The following CSGALNACT1 variants were observed in gnomAD, a reference collection of about 807,000 sequenced individuals.
CSGALNACT1 encodes chondroitin sulfate N-acetylgalactosaminyltransferase 1.
CSGALNACT1 carries 52 observed loss-of-function variants against 51.0 expected under a neutral mutation model. That is an observed-to-expected ratio of 1.02 (90% CI 0.82 to 1.29). CSGALNACT1 has a LOEUF of 1.29. CSGALNACT1 is among the 50% of genes most tolerant of loss of function. The pLI, the probability that CSGALNACT1 is intolerant of heterozygous loss-of-function variation, is 0.00. For missense variants in CSGALNACT1, 935 were observed against 679.2 expected (o/e 1.38, Z -4.19); for synonymous variants, 341 against 254.4 (o/e 1.34, Z -3.24).
At chr8:19,637,839 G>GT (rs11461273) in intron 1 of CSGALNACT1, among the ~76,000 whole-genome samples, 107,665 of 143,888 alleles carry the variant, frequency 0.75, 40,767 homozygotes, top group Middle Eastern at 0.83. Flanking sequence ...AGCCTGACCA[G>GT]TTTTTTTTTT....
intron 3 of CSGALNACT1, among the ~76,000 whole-genome samples, chr8:19,516,929 G>T (rs563858608): frequency 6.6e-6 from 1 of 152,182 alleles, no homozygotes; most frequent in Admixed American, 6.5e-5. Flanking sequence ...GCTGGAATCT[G>T]CAGCCACATT....
At chr8:19,740,166 C>A (rs189253014) in intron 1 of CSGALNACT1, among the ~76,000 whole-genome samples, 19 of 152,334 alleles carry the variant, frequency 1.2e-4, no homozygotes, top group Non-Finnish European at 2.5e-4. Flanking sequence ...ATTGTTCCAG[C>A]CTGGCTCTCC....
In CSGALNACT1 at chr8:19,420,533, C is replaced by G. The variant is rs778471541; in HGVS notation, c.954-15G>C. The G allele has an allele frequency of 1.2e-6, 2 of 1,612,860 alleles. No individual in the cohort carries two copies. The highest frequency in any genetic ancestry group is 1.1e-5 in the South Asian group (1 of 91,030). ...AGTTGGCAGCTCTGAAAGGCAAGAC[C>G]AGGTACTGTCACTCACATTCCCACA... is the stretch of plus-strand genomic sequence containing the variant. On this transcript the variant is annotated splice_polypyrimidine_tract_variant and intron_variant, in intron 6 of 9. Transcript: ENST00000454498.
chr8:19,668,338 G>A (rs961829520), intron 1 of CSGALNACT1, among the ~76,000 whole-genome samples: 4 of 112,492 alleles, frequency 3.6e-5, no homozygotes, highest in Non-Finnish European at 5.7e-5. Flanking sequence ...ATACATGCAC[G>A]GTTACACACA....
intron 3 of CSGALNACT1, among the ~76,000 whole-genome samples, chr8:19,538,890 G>A (rs1165360968): frequency 2.0e-5 from 3 of 152,172 alleles, no homozygotes; most frequent in Admixed American, 1.3e-4. Context: ...GAGCTAGTGT[G>A]TGTCCATTTG....
At chr8:19,505,851 C>T (rs765985504) in exon 4 of CSGALNACT1, 8 of 1,606,346 alleles carry the variant, frequency 5.0e-6, no homozygotes, top group Middle Eastern at 1.6e-4. Context: ...ATCAGCCATG[C>T]GTCCAGAACC....
At chr8:19,408,514 C>G in intron 9 of CSGALNACT1, 99 bp downstream of exon 8, 1 of 574,138 alleles carries the variant, frequency 1.7e-6, no homozygotes, top group South Asian at 1.6e-5. Flanking sequence ...AATGGTACCA[C>G]CTTCCCAACC....
At chr8:19,654,730 A>G (rs1277762115) in intron 1 of CSGALNACT1, among the ~76,000 whole-genome samples, 2 of 152,028 alleles carry the variant, frequency 1.3e-5, no homozygotes, top group African/African-American at 2.4e-5. Flanking sequence ...TTTTTGGTAG[A>G]GACAGGGTTT....
At chr8:19,737,200 A>C (rs1401781318) in intron 1 of CSGALNACT1, among the ~76,000 whole-genome samples, 1 of 152,160 alleles carries the variant, frequency 6.6e-6, no homozygotes, top group Non-Finnish European at 1.5e-5. Flanking sequence ...TAAAACTAGG[A>C]GAGTTTACTT....
intron 3 of CSGALNACT1, among the ~76,000 whole-genome samples, chr8:19,523,590 C>T (rs1034763182): frequency 2.0e-5 from 3 of 152,164 alleles, no homozygotes; most frequent in South Asian, 2.1e-4. Flanking sequence ...TATTCACACC[C>T]AGGCTACATT....
intron 1 of CSGALNACT1, among the ~76,000 whole-genome samples, chr8:19,675,096 A>T (rs1035135756): frequency 1.3e-5 from 2 of 152,218 alleles, no homozygotes; most frequent in Non-Finnish European, 2.9e-5. Context: ...TCCAGGCAAC[A>T]CAGGTAAATC....
intron 3 of CSGALNACT1, among the ~76,000 whole-genome samples, chr8:19,524,306 T>A (rs2081264164): frequency 6.6e-6 from 1 of 152,070 alleles, no homozygotes; most frequent in South Asian, 2.1e-4. Context: ...CTGCCACAGA[T>A]CTAATTAAGA....
At chr8:19,610,043 G>A (rs568729264) in intron 1 of CSGALNACT1, among the ~76,000 whole-genome samples, 1 of 151,918 alleles carries the variant, frequency 6.6e-6, no homozygotes. Context: ...CTAAGATGGT[G>A]AAACCCCGTC....
chr8:19,588,158 A>G (rs1387041993), intron 3 of CSGALNACT1: 2 of 152,030 alleles, frequency 1.3e-5, no homozygotes, highest in East Asian at 3.9e-4. Context: ...TCACACCATT[A>G]CACTCTAGCC....
intron 3 of CSGALNACT1, among the ~76,000 whole-genome samples, chr8:19,517,262 GA>G (rs1174934217): frequency 6.6e-6 from 1 of 152,114 alleles, no homozygotes; most frequent in Admixed American, 6.5e-5. Context: ...CCAACATGGA[GA>G]AAAACCATCT....
chr8:19,415,531 G>T (rs1432479706), intron 8 of CSGALNACT1, among the ~76,000 whole-genome samples: 1 of 152,204 alleles, frequency 6.6e-6, no homozygotes, highest in Non-Finnish European at 1.5e-5. Flanking sequence ...AGTGGTTTCT[G>T]CTTTCACCAC....
intron 1 of CSGALNACT1, among the ~76,000 whole-genome samples, chr8:19,629,109 T>C (rs187793066): frequency 7.1e-4 from 108 of 152,234 alleles, no homozygotes; most frequent in Non-Finnish European, 1.1e-3. Context: ...CTACGGGAAA[T>C]CAAGAGAGTA....
chr8:19,429,168 C>G (rs137959722), intron 6 of CSGALNACT1, among the ~76,000 whole-genome samples: 21 of 151,962 alleles, frequency 1.4e-4, no homozygotes, highest in Admixed American at 2.6e-4. Flanking sequence ...CATTATCAAC[C>G]TTTTTTGTTG....
chr8:19,577,031 C>T (rs1004872372), intron 3 of CSGALNACT1, among the ~76,000 whole-genome samples: 11 of 152,006 alleles, frequency 7.2e-5, no homozygotes, highest in African/African-American at 2.4e-4. Flanking sequence ...AGCATGGAAA[C>T]ATCCAAACCC....
Sources: allele counts gnomAD v4.1 joint callset (sites outside exome capture counted in the v4.1 genomes callset), GRCh38; gene constraint gnomAD v4.1.1; transcripts MANE v1.5; gene names NCBI Gene and HGNC (gene_info 2026-07-23, HGNC 2026-07-21).